Variants in WASHC2A observed in about 807,000 individuals in gnomAD.
WASHC2A encodes WASH complex subunit 2A, also known as WASH complex subunit FAM21A.
WASHC2A carries 82 observed loss-of-function variants against 140.3 expected under a neutral mutation model. The ratio of observed to expected loss-of-function variants is 0.58; its 90% CI spans 0.49 to 0.70. The LOEUF (loss-of-function observed/expected upper bound fraction) is 0.70. WASHC2A is among the 30% of genes least tolerant of loss of function. WASHC2A has a pLI of 0.00. For synonymous variants in WASHC2A, 340 were observed against 560.8 expected, an observed-to-expected ratio of 0.61 and a Z score of 5.56; for missense variants, 985 against 1,521.8, an observed-to-expected ratio of 0.65 and a Z score of 5.87.
intron 4 of WASHC2A, among the ~76,000 whole-genome samples, chr10:50,080,342 G>C (rs1838785631): frequency 6.6e-6 from 1 of 150,700 alleles, no homozygotes; most frequent in East Asian, 2.0e-4. Context: ...TGAGACCTCT[G>C]TGACCTTCCT....
chr10:50,084,206 T>G, intron 6 of WASHC2A, 41 bp downstream of exon 6: 1 of 1,606,054 alleles, frequency 6.2e-7, no homozygotes. Flanking sequence ...TTAACATTTC[T>G]TTTTTATTTT....
chr10:50,081,527 G>A (rs1838876401), intron 5 of WASHC2A, among the ~76,000 whole-genome samples: 1 of 135,688 alleles, frequency 7.4e-6, no homozygotes, highest in Admixed American at 7.6e-5. Flanking sequence ...GACAATTGGG[G>A]TGACACAGAG....
At position 50,125,182 on chromosome 10, in the gene WASHC2A, A is replaced by G. The variant is rs1554894547; in HGVS notation, c.2548A>G (p.Lys850Glu). The G allele has an allele frequency of 2.5e-6, 4 of 1,610,938 alleles. No individual in the cohort carries two copies. The highest frequency in any genetic ancestry group is 1.1e-5 in the South Asian group (1 of 90,896). ...FQDEELLFSH[K>E]LQKDNDPDVD... ...GGATGAAGAGCTGCTTTTCAGCCAC[A>G]AGCTCCAAAAGGACAATGACCCAGA... Residue 850 changes from lysine (K) to glutamate (E), a missense_variant, in exon 24 of 31, where the codon AAG (lysine) becomes GAG (glutamate). Physicochemically the swap from Lys to Glu is moderately conservative, Grantham distance 56. Coordinates refer to ENST00000282633, the MANE Select transcript of WASHC2A (RefSeq NM_001005751.3).
intron 19 of WASHC2A, among the ~76,000 whole-genome samples, chr10:50,107,370 C>T (rs1841882012): frequency 7.0e-6 from 1 of 143,116 alleles, no homozygotes. Flanking sequence ...ACTACCAAAT[C>T]AGTTAGTTTA....
chr10:50,095,251 G>GT (rs1554884320), intron 14 of WASHC2A, 44 bp downstream of exon 14: 10 of 1,443,460 alleles, frequency 6.9e-6, no homozygotes, highest in Middle Eastern at 2.5e-4. Flanking sequence ...CACAAATACT[G>GT]TTTTTTGCAT....
chr10:50,078,418 A>G lies in WASHC2A; in HGVS notation c.292-257A>G, dbSNP rs1399116980. Among the ~76,000 whole-genome samples, 541 of 152,294 alleles carry G rather than the reference A, an allele frequency of 3.6e-3. 2 individuals are homozygous for G. The highest frequency in any genetic ancestry group is 0.012 in the African/African-American group (480 of 41,566). ...CTGTTTTTGCAACTCTTGGTTTACAACGAGGTTAAAGTTTCATCATGTTTC... is the reference window on the plus strand; with the variant it reads ...CTGTTTTTGCAACTCTTGGTTTACAGCGAGGTTAAAGTTTCATCATGTTTC... On this transcript the variant is annotated intron_variant, in intron 3 of 30. Coordinates refer to ENST00000282633, the MANE Select transcript of WASHC2A (RefSeq NM_001005751.3).
Position 50,084,069 on chromosome 10 carries a change from C to T in WASHC2A, c.529-3C>T. The T allele has an allele frequency of 1.9e-6, 3 of 1,611,304 alleles. No homozygotes were observed. Among genetic ancestry groups the T allele is most frequent in the South Asian group, 1.1e-5 (1 of 90,940 alleles). On this transcript the variant is annotated splice_region_variant and splice_polypyrimidine_tract_variant and intron_variant, in intron 5 of 30. Transcript: ENST00000282633. ...GACAGCCTATTCCTTTCATGATGTA[C>T]AGGATCTATACATTGATCGTCCTTT...
intron 3 of WASHC2A, among the ~76,000 whole-genome samples, chr10:50,076,808 A>G (rs1220747428): frequency 5.2e-4 from 77 of 148,610 alleles, no homozygotes; most frequent in African/African-American, 1.8e-3. Flanking sequence ...GTGAAACCCC[A>G]TCTCTACTAA....
chr10:50,092,354 A>G, intron 11 of WASHC2A, 121 bp downstream of exon 11: 7 of 1,489,978 alleles, frequency 4.7e-6, no homozygotes, highest in Non-Finnish European at 6.4e-6. Flanking sequence ...GTCTGTCTCC[A>G]TTTACTTTTC....
chr10:50,071,693 A>G (rs1401866545), intron 3 of WASHC2A, among the ~76,000 whole-genome samples: 1 of 148,802 alleles, frequency 6.7e-6, no homozygotes, highest in Non-Finnish European at 1.5e-5. Flanking sequence ...GAAATGGGGA[A>G]CATCATACAA....
Position 50,078,880 on chromosome 10 carries a change from C to T in WASHC2A, c.354+143C>T. 3 of 1,523,286 alleles carry T rather than the reference C, an allele frequency of 2.0e-6. 1 individual carries two copies. In the South Asian group the frequency reaches 3.5e-5, roughly 18 times the overall value. The allele number at this position is 1,523,286 out of a possible 1,614,324, so 94.4% of individuals were successfully genotyped here. On this transcript the variant is annotated intron_variant, in intron 4 of 30. Coordinates refer to ENST00000282633, the MANE Select transcript of WASHC2A (RefSeq NM_001005751.3). ...CCTGACAGCAGCCCAAGAGGGGATT[C>T]TTTCCTTTGTTTCTGAAATGTAGTG...
At chr10:50,121,497 G>A in intron 23 of WASHC2A, among the ~76,000 whole-genome samples, 1 of 149,772 alleles carries the variant, frequency 6.7e-6, no homozygotes, top group African/African-American at 2.5e-5. Context: ...GGGTTCAAGC[G>A]ATTCTCCTGC....
intron 23 of WASHC2A, among the ~76,000 whole-genome samples, chr10:50,120,783 A>G (rs1278979663): frequency 6.9e-6 from 1 of 143,956 alleles, no homozygotes; most frequent in African/African-American, 2.8e-5. Flanking sequence ...AGCAAAATAT[A>G]AAAAGGATTG....
intron 28 of WASHC2A, among the ~76,000 whole-genome samples, chr10:50,129,137 G>C (rs1843705076): frequency 6.6e-6 from 1 of 152,176 alleles, no homozygotes; most frequent in Non-Finnish European, 1.5e-5. Context: ...TCCAGCAACA[G>C]ATAAAACTTT....
chr10:50,130,111 T>A (rs1380160359), intron 29 of WASHC2A, 72 bp downstream of exon 29: 1 of 1,594,254 alleles, frequency 6.3e-7, no homozygotes, highest in African/African-American at 1.3e-5. Flanking sequence ...ATTTGAGCCA[T>A]AGATTATGTC....
chr10:50,131,796 G>C (rs1292522543), intron 30 of WASHC2A, among the ~76,000 whole-genome samples: 2 of 152,156 alleles, frequency 1.3e-5, no homozygotes, highest in Non-Finnish European at 2.9e-5. Context: ...CGTGTGCTCT[G>C]TCTCCCCTGC....
At position 50,084,104 on chromosome 10, in the gene WASHC2A, C is replaced by G. The variant is rs1239881991; in HGVS notation, c.561C>G (p.Leu187=). 16 of 1,611,704 alleles carry G rather than the reference C, an allele frequency of 9.9e-6. No individual in the cohort carries two copies. Among genetic ancestry groups the G allele is most frequent in the Admixed American group, 8.3e-5 (5 of 60,002 alleles). The change falls in exon 6 of 31, where the codon CTC becomes CTG. Residue 187 remains leucine, a synonymous_variant. Transcript: ENST00000282633. ...ACATTGATCGTCCTTTACCATATCTCATTGGGTCAAAGCTGTTCATGGAAC... is the reference window on the plus strand; with the variant it reads ...ACATTGATCGTCCTTTACCATATCTGATTGGGTCAAAGCTGTTCATGGAAC... The part of the protein sequence containing the change: ...DLYIDRPLPY[L]IGSKLFMEQE...
chr10:50,080,367 C>T (rs1368482719), intron 4 of WASHC2A, among the ~76,000 whole-genome samples: 8 of 150,296 alleles, frequency 5.3e-5, no homozygotes, highest in Non-Finnish European at 1.0e-4. Context: ...AGTCTTAACA[C>T]CTAAAATTAC....
At chr10:50,092,543 G>C (rs1448777705) in intron 11 of WASHC2A, among the ~76,000 whole-genome samples, 1 of 151,944 alleles carries the variant, frequency 6.6e-6, no homozygotes, top group Non-Finnish European at 1.5e-5. Context: ...TGTTGTCCCA[G>C]CTACTTGGGA....
Sources: gnomAD v4.1 joint callset for allele counts (sites outside exome capture counted in the v4.1 genomes callset) on GRCh38, gnomAD v4.1.1 for gene constraint, MANE v1.5 for transcripts, NCBI Gene and HGNC (gene_info 2026-07-23, HGNC 2026-07-21) for gene names.